RFTN1: variants seen among roughly 807,000 people sequenced by gnomAD.
RFTN1 encodes the protein raftlin, lipid raft linker 1.
A neutral mutation model predicts 46.5 loss-of-function variants in RFTN1; 26 were observed. The observed-to-expected ratio is 0.56, with a 90% CI of 0.41 to 0.78. RFTN1 has a LOEUF of 0.78. Among genes scored for constraint, RFTN1 ranks in the 30% least tolerant of loss-of-function variants. The pLI is 0.00. For missense variants in RFTN1, 693 were observed against 718.7 expected, an observed-to-expected ratio of 0.96 and a Z score of 0.41; for synonymous variants, 261 against 284.2, an observed-to-expected ratio of 0.92 and a Z score of 0.82.
Position 16,439,908 on chromosome 3 carries a change from C to G in RFTN1, c.146-5871G>C, listed in dbSNP as rs111831840. 1.6e-3 allele frequency among the ~76,000 whole-genome samples: 245 copies of G among 152,242 alleles called. 1 individual carries two copies. Among genetic ancestry groups the G allele is most frequent in the African/African-American group, 5.7e-3 (236 of 41,534 alleles). On this transcript the variant is annotated intron_variant, in intron 2 of 9. Transcript: ENST00000334133. ...GTTTTAAGTATCAAGGATGATGGGT[C>G]TCCTTCACCCTAGAAGAGAGCTACA...
rs139844350 is a variant in RFTN1, at chr3:16,335,156, C to A, written c.1147-8280G>T. Among the ~76,000 whole-genome samples the A allele has an allele frequency of 7.5e-3, 1,145 of 152,294 alleles. 13 individuals carry two copies. The highest frequency in any genetic ancestry group is 0.025 in the African/African-American group (1,050 of 41,544). On this transcript the variant is annotated intron_variant, in intron 7 of 9. Transcript: ENST00000334133. The surrounding 1 kb of genome is among the most constrained non-coding windows in gnomAD (Gnocchi z 4.7). ...AGTCACTAAATCTGTGATTTGTTGC[C>A]GCAGCAACAGGAAATTAATCCACAG... is the stretch of plus-strand genomic sequence containing the variant.
intron 2 of RFTN1, among the ~76,000 whole-genome samples, chr3:16,487,487 C>T (rs1464255238): frequency 2.6e-5 from 4 of 152,250 alleles, no homozygotes; most frequent in Non-Finnish European, 4.4e-5. Flanking sequence ...TCACCAGCCA[C>T]ACATGGCTAC....
At chr3:16,365,928 A>C (rs1002485208) in intron 6 of RFTN1, among the ~76,000 whole-genome samples, 1 of 152,240 alleles carries the variant, frequency 6.6e-6, no homozygotes, top group Admixed American at 6.5e-5. Context: ...CAGTCACCGC[A>C]AACACCGACT....
In RFTN1 at chr3:16,429,529, A is replaced by T. The variant is rs189143868; in HGVS notation, c.332+4322T>A. Reference sequence around the variant, plus strand: ...TCTCCTTCTCCCAAACTCCTGTGGCATGAGGCACATATCTCATTTACTTAA... The same window carrying T: ...TCTCCTTCTCCCAAACTCCTGTGGCTTGAGGCACATATCTCATTTACTTAA... On this transcript the variant is annotated intron_variant, in intron 3 of 9. Transcript: ENST00000334133. This position sits in a 1 kb window ranked among gnomAD's most constrained non-coding sequence, Gnocchi z 6.4. Among the ~76,000 whole-genome samples, 22 of 152,268 alleles carry T rather than the reference A, an allele frequency of 1.4e-4. No individual in the cohort carries two copies. Among genetic ancestry groups the T allele is most frequent in the African/African-American group, 5.3e-4 (22 of 41,528 alleles).
intron 2 of RFTN1, among the ~76,000 whole-genome samples, chr3:16,439,874 A>C (rs2075588709): frequency 6.6e-6 from 1 of 152,092 alleles, no homozygotes; most frequent in South Asian, 2.1e-4. Flanking sequence ...GGTGGGAGAG[A>C]AAACTAACGT....
At position 16,448,167 on chromosome 3, in the gene RFTN1, T is replaced by C. The variant is rs1490504749; in HGVS notation, c.146-14130A>G. Among the ~76,000 whole-genome samples the C allele has an allele frequency of 6.6e-6, 1 of 152,046 alleles. No individual in the cohort carries two copies. The highest frequency in any genetic ancestry group is 2.4e-5 in the African/African-American group (1 of 41,406). On this transcript the variant is annotated intron_variant, in intron 2 of 9. Coordinates refer to ENST00000334133, the MANE Select transcript of RFTN1 (RefSeq NM_015150.2). The surrounding 1 kb of genome is among the most constrained non-coding windows in gnomAD (Gnocchi z 4.1). Reference sequence around the variant, plus strand: ...CAATAATAATTTTTTATTGATTCCATATTGAAATGATAAATTGTCTAAGAT... The same window carrying C: ...CAATAATAATTTTTTATTGATTCCACATTGAAATGATAAATTGTCTAAGAT...
chr3:16,439,276 C>T (rs1490572610), intron 2 of RFTN1, among the ~76,000 whole-genome samples: 3 of 152,142 alleles, frequency 2.0e-5, no homozygotes, highest in Admixed American at 1.3e-4. Flanking sequence ...TACTCCTAGG[C>T]GAATAAACAA....
rs538060868 is a variant in RFTN1, at chr3:16,446,113, G to A, written c.146-12076C>T. Among the ~76,000 whole-genome samples the A allele has an allele frequency of 1.3e-5, 2 of 152,096 alleles. No individual in the cohort carries two copies. Among genetic ancestry groups the A allele is most frequent in the African/African-American group, 2.4e-5 (1 of 41,468 alleles). On this transcript the variant is annotated intron_variant, in intron 2 of 9. Transcript: ENST00000334133. The surrounding 1 kb of genome is among the most constrained non-coding windows in gnomAD (Gnocchi z 4.5). The stretch of plus-strand genomic sequence containing the variant: ...TCAGGACTGCAGTAGCACTCTCTCC[G>A]TCAAAGAAAGTCCAATGCAAACTGC...
chr3:16,410,523 A>C lies in RFTN1; in HGVS notation c.333-1040T>G, dbSNP rs896832135. On this transcript the variant is annotated intron_variant, in intron 3 of 9. Transcript: ENST00000334133. The surrounding 1 kb of genome is among the most constrained non-coding windows in gnomAD (Gnocchi z 4.6). Reference sequence around the variant, plus strand: ...ATATCACTTAGAAAATTAAAAATTAATTTTTAAAAGACTTTAAAAGGGTTC... The same window carrying C: ...ATATCACTTAGAAAATTAAAAATTACTTTTTAAAAGACTTTAAAAGGGTTC... Among the ~76,000 whole-genome samples, 16 of 152,216 alleles carry C rather than the reference A, an allele frequency of 1.1e-4. No individual in the cohort carries two copies. Among genetic ancestry groups the C allele is most frequent in the Non-Finnish European group, 4.4e-5 (3 of 68,042 alleles).
Position 16,449,500 on chromosome 3 carries a change from C to T in RFTN1, c.146-15463G>A, listed in dbSNP as rs2075787856. Among the ~76,000 whole-genome samples the T allele has an allele frequency of 6.6e-6, 1 of 152,202 alleles. No individual in the cohort carries two copies. Among genetic ancestry groups the T allele is most frequent in the African/African-American group, 2.4e-5 (1 of 41,452 alleles). On this transcript the variant is annotated intron_variant, in intron 2 of 9. Transcript: ENST00000334133. The surrounding 1 kb of genome is among the most constrained non-coding windows in gnomAD (Gnocchi z 5.1). The stretch of plus-strand genomic sequence containing the variant: ...AGATAATGCACATAAAGTCCTAGAA[C>T]TGCACCTGGAACTGGTAACTCCTCC...
rs758282020 is a variant in RFTN1 at position 16,433,173 on chromosome 3, G to GTTT, written c.332+675_332+677dup. Among the ~76,000 whole-genome samples, 23 of 96,354 alleles carry GTTT rather than the reference G, an allele frequency of 2.4e-4. No homozygotes were observed. Among genetic ancestry groups the GTTT allele is most frequent in the Admixed American group, 1.4e-3 (14 of 10,100 alleles). The allele number at this position is 96,354 out of a possible 152,430, so 63.2% of individuals were successfully genotyped here. A position where few individuals can be genotyped will look rare whatever the true frequency, so the allele number is the denominator to read the frequency against. On this transcript the variant is annotated intron_variant, in intron 3 of 9. Transcript: ENST00000334133. This position sits in a 1 kb window ranked among gnomAD's most constrained non-coding sequence, Gnocchi z 4.4. ...CTGCTCTCTCCATCCCATCCTCACT[G>GTTT]TTTTTTTTTTTTAAAAAAATTAATA... is the stretch of plus-strand genomic sequence containing the variant.
In RFTN1 at chr3:16,353,744, C is replaced by T. The variant is rs781454608; in HGVS notation, c.1146+4188G>A. On this transcript the variant is annotated intron_variant, in intron 7 of 9. Coordinates refer to ENST00000334133, the MANE Select transcript of RFTN1 (RefSeq NM_015150.2). This position sits in a 1 kb window ranked among gnomAD's most constrained non-coding sequence, Gnocchi z 5.4. ...TTATAAGAAGAGACACCAGAGTAGCCCCCTCCCACCTGTGCGTGCTCAGAG... is the reference window on the plus strand; with the variant it reads ...TTATAAGAAGAGACACCAGAGTAGCTCCCTCCCACCTGTGCGTGCTCAGAG... Among the ~76,000 whole-genome samples the T allele has an allele frequency of 2.6e-5, 4 of 152,034 alleles. No individual in the cohort carries two copies. Among genetic ancestry groups the T allele is most frequent in the African/African-American group, 4.8e-5 (2 of 41,362 alleles).
rs138575175 is a variant in RFTN1, at chr3:16,400,680, G to T, written c.441+8695C>A. On this transcript the variant is annotated intron_variant, in intron 4 of 9. Transcript: ENST00000334133. This position sits in a 1 kb window ranked among gnomAD's most constrained non-coding sequence, Gnocchi z 4.5. ...TTTTTGGGGAGTGATTGAGACAAGC[G>T]TATGACCCCTTCCCTCCCTCCGGCT... 6.6e-6 allele frequency among the ~76,000 whole-genome samples: 1 copy of T among 152,182 alleles called. No individual in the cohort carries two copies. Among genetic ancestry groups the T allele is most frequent in the Non-Finnish European group, 1.5e-5 (1 of 68,034 alleles).
rs935792586 is a variant in RFTN1, at chr3:16,380,557, C to A, written c.442-2455G>T. ...TGCCATCTTGTACTGCAAATTTATC[C>A]TCTAGGCCAGGGGTTCTCAAAGTGT... On this transcript the variant is annotated intron_variant, in intron 4 of 9. Transcript: ENST00000334133. The surrounding 1 kb of genome is among the most constrained non-coding windows in gnomAD (Gnocchi z 4.8). Among the ~76,000 whole-genome samples the A allele has an allele frequency of 6.6e-6, 1 of 152,188 alleles. No homozygotes were observed. Among genetic ancestry groups the A allele is most frequent in the African/African-American group, 2.4e-5 (1 of 41,414 alleles).
rs566652123 is a variant in RFTN1, at chr3:16,506,821, T to C, written c.-9+6621A>G. 3.3e-5 allele frequency among the ~76,000 whole-genome samples: 5 copies of C among 152,324 alleles called. No homozygotes were observed. The highest frequency in any genetic ancestry group is 9.6e-5 in the African/African-American group (4 of 41,578). On this transcript the variant is annotated intron_variant, in intron 1 of 9. Coordinates refer to ENST00000334133, the MANE Select transcript of RFTN1 (RefSeq NM_015150.2). The surrounding 1 kb of genome is among the most constrained non-coding windows in gnomAD (Gnocchi z 4.8). ...GGTCTTCTTCATCCCCAACAGCAGC[T>C]ATTCCAATGCCCTGCCCATAACAGA...
At chr3:16,396,175 T>C (rs2074464071) in intron 4 of RFTN1, among the ~76,000 whole-genome samples, 1 of 152,130 alleles carries the variant, frequency 6.6e-6, no homozygotes, top group Non-Finnish European at 1.5e-5. Flanking sequence ...GAAAGACTGA[T>C]ATTTGAAGAT....
chr3:16,347,618 G>T (rs1271310283), intron 7 of RFTN1: 3 of 152,106 alleles, frequency 2.0e-5, no homozygotes, highest in African/African-American at 7.2e-5. Context: ...ACCCACCTCT[G>T]TGTGCACACT....
intron 5 of RFTN1, among the ~76,000 whole-genome samples, chr3:16,373,396 G>A (rs2073606239): frequency 6.6e-6 from 1 of 152,244 alleles, no homozygotes; most frequent in African/African-American, 2.4e-5. Context: ...AGGGGGCATG[G>A]GGCCCAAGGG....
At chr3:16,354,385 C>T (rs896636154) in intron 7 of RFTN1, among the ~76,000 whole-genome samples, 2 of 152,234 alleles carry the variant, frequency 1.3e-5, no homozygotes, top group Non-Finnish European at 2.9e-5. Flanking sequence ...CATCTGCTTT[C>T]AGGAGATGTC....
Sources: allele counts gnomAD v4.1 joint callset (sites outside exome capture counted in the v4.1 genomes callset), GRCh38; gene constraint gnomAD v4.1.1; non-coding constraint Gnocchi (gnomAD v3.1); transcripts MANE v1.5; gene names NCBI Gene and HGNC (gene_info 2026-07-23, HGNC 2026-07-21).